Variants in WWP2 observed in about 807,000 individuals in gnomAD.
WWP2 encodes the protein NEDD4-like E3 ubiquitin-protein ligase WWP2.
WWP2 carries 57 observed loss-of-function variants against 121.0 expected under a neutral mutation model. That is an observed-to-expected ratio of 0.47 (90% CI 0.38 to 0.59). WWP2 has a LOEUF of 0.59. Among genes scored for constraint, WWP2 ranks in the 20% least tolerant of loss-of-function variants. WWP2 has a pLI of 0.00. For missense variants in WWP2, 962 were observed against 1,158.9 expected (o/e 0.83, Z 2.47); for synonymous variants, 449 against 441.3 (o/e 1.02, Z -0.22).
At chr16:69,871,655 G>A in intron 6 of WWP2, 149 bp from the exon 7 acceptor site, 5 of 1,153,382 alleles carry the variant, frequency 4.3e-6, no homozygotes. Flanking sequence ...CTTGGAACCA[G>A]CTTCTGTTTA....
At chr16:69,898,396 C>T (rs9934983) in intron 8 of WWP2, among the ~76,000 whole-genome samples, 5,645 of 152,232 alleles carry the variant, frequency 0.037, 292 homozygotes, top group African/African-American at 0.12. Context: ...TCTTCAACTT[C>T]AGTAGGTATT....
At chr16:69,909,447 T>C (rs2151962353) in intron 9 of WWP2, 1 of 985,584 alleles carries the variant, frequency 1.0e-6, no homozygotes, top group Non-Finnish European at 1.2e-6. Context: ...TAGGGACTCT[T>C]AGGAGAGCCC....
intron 2 of WWP2, among the ~76,000 whole-genome samples, chr16:69,795,230 A>T (rs2056004433): frequency 6.6e-6 from 1 of 150,432 alleles, no homozygotes; most frequent in South Asian, 2.1e-4. Flanking sequence ...TTACTTTTTA[A>T]TGGTTTTACC....
intron 15 of WWP2, 63 bp from the exon 16 acceptor site, chr16:69,931,739 C>T: frequency 1.3e-6 from 2 of 1,594,022 alleles, no homozygotes; most frequent in Middle Eastern, 1.7e-4. Context: ...TCCCCTGTCC[C>T]TCCCGCCCCT....
chr16:69,807,656 G>C (rs971679788), intron 4 of WWP2, among the ~76,000 whole-genome samples: 1 of 142,274 alleles, frequency 7.0e-6, no homozygotes, highest in Admixed American at 7.2e-5. Flanking sequence ...AAAAGAAAAA[G>C]GAAAATGAAA....
chr16:69,931,457 C>A, intron 14 of WWP2, 52 bp from the exon 15 acceptor site: 1 of 1,608,104 alleles, frequency 6.2e-7, no homozygotes, highest in Non-Finnish European at 8.5e-7. Context: ...GACAGGAGAA[C>A]AGATGACCAC....
rs1422581452 is a variant in WWP2 at position 69,940,068 on chromosome 16, A to G, written c.*128A>G. On this transcript the variant is annotated 3_prime_UTR_variant, in exon 24 of 24. Transcript: ENST00000359154. ...TGGCCCTGTGTGGGACCACACTGTC[A>G]TCTCGCTGCTGGCAGAAAAGCCTGA... is the stretch of plus-strand genomic sequence containing the variant. The G allele has an allele frequency of 2.8e-5, 20 of 716,392 alleles. No individual in the cohort carries two copies. Among genetic ancestry groups the G allele is most frequent in the Non-Finnish European group, 3.6e-5 (16 of 442,284 alleles). 44.4% of individuals were successfully genotyped at this position (716,392 alleles called of 1,614,324 possible).
At chr16:69,933,931 G>A (rs2058757484) in intron 16 of WWP2, 39 bp from the exon 17 acceptor site, 1 of 1,603,536 alleles carries the variant, frequency 6.2e-7, no homozygotes, top group Non-Finnish European at 8.5e-7. Context: ...TGCACGAAGG[G>A]ACCCATTATT....
intron 11 of WWP2, among the ~76,000 whole-genome samples, chr16:69,928,339 A>C (rs951018424): frequency 7.2e-5 from 11 of 151,802 alleles, no homozygotes; most frequent in Non-Finnish European, 1.6e-4. Context: ...TTGAGCCAAG[A>C]GCTTTACCCC....
intron 4 of WWP2, among the ~76,000 whole-genome samples, chr16:69,812,157 A>G (rs919053304): frequency 2.8e-5 from 4 of 144,672 alleles, no homozygotes; most frequent in South Asian, 4.3e-4. Context: ...TGAAGAGTAC[A>G]GACCTTTTTT....
chr16:69,933,419 C>T (rs1425836070), intron 16 of WWP2, among the ~76,000 whole-genome samples: 2 of 152,134 alleles, frequency 1.3e-5, no homozygotes, highest in Admixed American at 6.5e-5. Flanking sequence ...TGTTGCATAG[C>T]TGGTGGGCAT....
chr16:69,823,178 T>C (rs1015017995), intron 4 of WWP2, among the ~76,000 whole-genome samples: 6 of 152,172 alleles, frequency 3.9e-5, no homozygotes, highest in African/African-American at 1.4e-4. Flanking sequence ...TTAATTTTAA[T>C]AATGTAGCTT....
At chr16:69,906,362 G>A (rs188731678) in intron 8 of WWP2, among the ~76,000 whole-genome samples, 20 of 152,200 alleles carry the variant, frequency 1.3e-4, no homozygotes, top group East Asian at 9.6e-4. Context: ...GTCAGCCACC[G>A]CACCCGGCCT....
chr16:69,822,205 G>C (rs149422868), intron 4 of WWP2, among the ~76,000 whole-genome samples: 106 of 152,160 alleles, frequency 7.0e-4, no homozygotes, highest in Non-Finnish European at 1.3e-3. Context: ...GAGTTTCTTC[G>C]TGTTGGGTCA....
chr16:69,891,612 C>T (rs1199343656), intron 8 of WWP2, among the ~76,000 whole-genome samples: 1 of 152,092 alleles, frequency 6.6e-6, no homozygotes. Flanking sequence ...TTCTTGCTAC[C>T]AGACTGTTTC....
chr16:69,892,439 A>G (rs2058043594), intron 8 of WWP2, among the ~76,000 whole-genome samples: 1 of 152,076 alleles, frequency 6.6e-6, no homozygotes, highest in South Asian at 2.1e-4. Context: ...ACAACTCTCA[A>G]ATCTGCCCAC....
intron 6 of WWP2, among the ~76,000 whole-genome samples, chr16:69,860,670 G>A (rs765518581): frequency 3.3e-5 from 5 of 152,090 alleles, no homozygotes; most frequent in East Asian, 1.9e-4. Flanking sequence ...GCCTGCCTCC[G>A]TCCTGCTGAA....
At chr16:69,885,255 G>A (rs2057904705) in intron 7 of WWP2, among the ~76,000 whole-genome samples, 1 of 152,050 alleles carries the variant, frequency 6.6e-6, no homozygotes, top group Admixed American at 6.6e-5. Flanking sequence ...TTAAAATTGA[G>A]TAAAATGTAT....
intron 7 of WWP2, among the ~76,000 whole-genome samples, chr16:69,879,795 C>A (rs891221116): frequency 1.3e-5 from 2 of 152,068 alleles, no homozygotes; most frequent in Non-Finnish European, 2.9e-5. Context: ...ATGGGCATGA[C>A]GTGTGTAGCT....
Sources: allele counts gnomAD v4.1 joint callset (sites outside exome capture counted in the v4.1 genomes callset), GRCh38; gene constraint gnomAD v4.1.1; transcripts MANE v1.5; gene names NCBI Gene and HGNC (gene_info 2026-07-23, HGNC 2026-07-21).